FGF14: variants seen among roughly 807,000 people sequenced by gnomAD.
FGF14 encodes the protein fibroblast growth factor homologous factor 4.
FGF14 carries 5 observed loss-of-function variants against 25.5 expected under a neutral mutation model. The ratio of observed to expected loss-of-function variants is 0.20; its 90% CI spans 0.10 to 0.41. The LOEUF (loss-of-function observed/expected upper bound fraction) is 0.41, where lower values mean the gene tolerates loss of function less well. FGF14 is among the 10% of genes least tolerant of loss of function. The pLI is 1.00. For synonymous variants in FGF14, 138 were observed against 118.3 expected (o/e 1.17, Z -1.08); for missense variants, 222 against 320.1 (o/e 0.69, Z 2.34).
chr13:102,133,284 G>A (rs1555363774), intron 1 of FGF14, among the ~76,000 whole-genome samples: 1 of 152,114 alleles, frequency 6.6e-6, no homozygotes, highest in Non-Finnish European at 1.5e-5. Context: ...TGATCAGGTT[G>A]GAATAGCTTC....
chr13:102,376,835 A>G (rs1316611892), intron 1 of FGF14, among the ~76,000 whole-genome samples: 1 of 152,188 alleles, frequency 6.6e-6, no homozygotes, highest in East Asian at 1.9e-4. Flanking sequence ...CTCTGAGCAC[A>G]TTGGAATTCC....
intron 1 of FGF14, among the ~76,000 whole-genome samples, chr13:102,283,915 G>A (rs2053968073): frequency 6.6e-6 from 1 of 152,122 alleles, no homozygotes; most frequent in South Asian, 2.1e-4. Context: ...GTATTGTTGT[G>A]GGGTTTAAAT....
At chr13:101,975,350 C>T (rs2139571929) in intron 1 of FGF14, among the ~76,000 whole-genome samples, 1 of 152,264 alleles carries the variant, frequency 6.6e-6, no homozygotes, top group Non-Finnish European at 1.5e-5. Context: ...CCACCTTCAC[C>T]TGGTGAAATT....
At chr13:102,065,917 T>A (rs1458272930) in intron 1 of FGF14, among the ~76,000 whole-genome samples, 1 of 152,066 alleles carries the variant, frequency 6.6e-6, no homozygotes, top group Non-Finnish European at 1.5e-5. Context: ...ATTTTAAAAA[T>A]CATTACCTAT....
At chr13:101,739,014 CTATA>C (rs561914493) in intron 3 of FGF14, among the ~76,000 whole-genome samples, 1 of 142,056 alleles carries the variant, frequency 7.0e-6, no homozygotes, top group Non-Finnish European at 1.5e-5. Flanking sequence ...GTATATCTAT[CTATA>C]TATATATATA....
At chr13:101,869,784 C>A (rs1208305587) in intron 2 of FGF14, among the ~76,000 whole-genome samples, 2 of 152,218 alleles carry the variant, frequency 1.3e-5, no homozygotes, top group Non-Finnish European at 2.9e-5. Context: ...AGGCTCTCAA[C>A]TGTATTGCAC....
At chr13:101,863,311 G>T (rs956274222) in intron 3 of FGF14, among the ~76,000 whole-genome samples, 2 of 152,150 alleles carry the variant, frequency 1.3e-5, no homozygotes, top group African/African-American at 4.8e-5. Flanking sequence ...CAGGGAGAAT[G>T]AAAGGCTCTT....
chr13:101,932,756 T>TAAAAAAAAAAAA (rs869271842), intron 1 of FGF14, among the ~76,000 whole-genome samples: 1 of 98,576 alleles, frequency 1.0e-5, no homozygotes, highest in African/African-American at 4.1e-5. Flanking sequence ...AAAATTACAG[T>TAAAAAAAAAAAA]AAAAAAAAAA....
chr13:101,739,845 C>T (rs1594087248), intron 3 of FGF14, among the ~76,000 whole-genome samples: 1 of 152,136 alleles, frequency 6.6e-6, no homozygotes. Flanking sequence ...GGCAGCCCAG[C>T]GCCAGGCCTG....
At chr13:102,160,496 A>G (rs1302974370) in intron 1 of FGF14, among the ~76,000 whole-genome samples, 1 of 152,152 alleles carries the variant, frequency 6.6e-6, no homozygotes, top group African/African-American at 2.4e-5. Context: ...CCTTCGTCTC[A>G]GAGAAACTTA....
chr13:101,927,939 T>C (rs146825129), intron 1 of FGF14, among the ~76,000 whole-genome samples: 401 of 152,290 alleles, frequency 2.6e-3, no homozygotes, highest in African/African-American at 9.3e-3. Flanking sequence ...ATGTCTTTAA[T>C]CCTCCTCCCA....
chr13:101,714,476 G>T lies in FGF14; in HGVS notation c.*8355C>A, dbSNP rs1053005621. 6.2e-7 allele frequency: 1 copy of T among 1,612,558 alleles called. No individual in the cohort carries two copies. On this transcript the variant is annotated 3_prime_UTR_variant, in exon 5 of 5. Coordinates refer to ENST00000376143, the MANE Select transcript of FGF14 (RefSeq NM_004115.4). ...TGGGAAGTGCATTTGTTCTGCTGAA[G>T]AGTGGTATATTTCTGGGGAGTTCTG...
intron 1 of FGF14, among the ~76,000 whole-genome samples, chr13:102,088,783 A>G (rs956782300): frequency 6.6e-6 from 1 of 152,142 alleles, no homozygotes; most frequent in African/African-American, 2.4e-5. Context: ...TGTCATACAA[A>G]CTCATATCAT....
At chr13:102,179,368 C>G (rs2048575369) in intron 1 of FGF14, among the ~76,000 whole-genome samples, 1 of 152,218 alleles carries the variant, frequency 6.6e-6, no homozygotes, top group African/African-American at 2.4e-5. Context: ...AGTTTTTCCA[C>G]TGTAAACTGG....
chr13:101,889,641 G>A (rs1340843029), intron 1 of FGF14, among the ~76,000 whole-genome samples: 1 of 152,162 alleles, frequency 6.6e-6, no homozygotes, highest in East Asian at 1.9e-4. Flanking sequence ...TGTTTTGTCA[G>A]ATAAAAGAAA....
At chr13:102,290,195 G>A (rs2054309055) in intron 1 of FGF14, among the ~76,000 whole-genome samples, 2 of 152,020 alleles carry the variant, frequency 1.3e-5, no homozygotes, top group African/African-American at 4.8e-5. Context: ...AGGTGCTTAG[G>A]TCATAAGACT....
intron 3 of FGF14, among the ~76,000 whole-genome samples, chr13:101,777,722 A>G (rs2039216080): frequency 6.6e-6 from 1 of 152,040 alleles, no homozygotes; most frequent in South Asian, 2.1e-4. Flanking sequence ...TAAACCCCAA[A>G]ATGCCGAGGC....
At chr13:102,213,332 T>C (rs2050237889) in intron 1 of FGF14, among the ~76,000 whole-genome samples, 1 of 152,222 alleles carries the variant, frequency 6.6e-6, no homozygotes, top group Admixed American at 6.5e-5. Flanking sequence ...CCTCATAACT[T>C]TAAAAATAAC....
rs116725470 is a variant in FGF14, at chr13:102,219,524, A to G, written c.208+181947T>C. Among the ~76,000 whole-genome samples the G allele has an allele frequency of 5.5e-3, 838 of 152,344 alleles. 9 individuals carry two copies. Among genetic ancestry groups the G allele is most frequent in the African/African-American group, 0.019 (788 of 41,580 alleles). ...GTGGAAATTGGTTTGGAATTTGGAT[A>G]TATGATACTTCCAACCATGAAAGAA... On this transcript the variant is annotated intron_variant, in intron 1 of 4. Coordinates refer to the FGF14 transcript ENST00000376131.
Sources: allele counts gnomAD v4.1 joint callset (sites outside exome capture counted in the v4.1 genomes callset), GRCh38; gene constraint gnomAD v4.1.1; transcripts MANE v1.5; gene names NCBI Gene and HGNC (gene_info 2026-07-23, HGNC 2026-07-21).